NTPCR: variants seen among roughly 807,000 people sequenced by gnomAD.
NTPCR encodes the protein cancer-related nucleoside-triphosphatase.
In NTPCR, 15 loss-of-function variants were observed where a neutral mutation model predicts 19.5. The ratio of observed to expected loss-of-function variants is 0.77; its 90% CI spans 0.51 to 1.18. The LOEUF (loss-of-function observed/expected upper bound fraction) is 1.18, where lower values mean the gene tolerates loss of function less well. Ranked by LOEUF, NTPCR falls within the 50% of genes most tolerant of loss-of-function variation. The probability of loss-of-function intolerance (pLI) is 0.00; values close to 1 mark genes in which losing one functional copy is unlikely to be tolerated. For synonymous variants in NTPCR, 90 were observed against 95.8 expected (o/e 0.94, Z 0.36); for missense variants, 206 against 240.4 (o/e 0.86, Z 0.95).
At position 232,950,614 on chromosome 1, in the gene NTPCR, C is replaced by A; in HGVS notation, c.-97C>A. 3 of 965,094 alleles carry A rather than the reference C, an allele frequency of 3.1e-6. No homozygotes were observed. The highest frequency in any genetic ancestry group is 4.9e-6 in the Non-Finnish European group (3 of 609,110). The allele number at this position is 965,094 out of a possible 1,614,324, so 59.8% of individuals were successfully genotyped here. A position where few individuals can be genotyped will look rare whatever the true frequency, so the allele number is the denominator to read the frequency against. Reference sequence around the variant, plus strand: ...GGCGGGGCCTGCGACACGCGGTGGGCGGGTCCTGAGTCGCGACCCTGGTCC... The same window carrying A: ...GGCGGGGCCTGCGACACGCGGTGGGAGGGTCCTGAGTCGCGACCCTGGTCC... On this transcript the variant is annotated 5_prime_UTR_variant, in exon 1 of 5. Coordinates refer to ENST00000366628, the MANE Select transcript of NTPCR (RefSeq NM_032324.3).
At chr1:232,953,693 C>T (rs1186072112) in intron 1 of NTPCR, among the ~76,000 whole-genome samples, 1 of 151,730 alleles carries the variant, frequency 6.6e-6, no homozygotes, top group Non-Finnish European at 1.5e-5. Context: ...AATCTTTGTT[C>T]TGTATTCTTC....
chr1:232,968,782 A>T lies in NTPCR; in HGVS notation c.295-1127A>T, dbSNP rs142181568. On this transcript the variant is annotated intron_variant, in intron 3 of 4. Coordinates refer to ENST00000366628, the MANE Select transcript of NTPCR (RefSeq NM_032324.3). ...TGTAGTGAAGAATACTTTGTAAATCAGCTTTACATACAGTTTTCAAAATAA... is the reference window on the plus strand; with the variant it reads ...TGTAGTGAAGAATACTTTGTAAATCTGCTTTACATACAGTTTTCAAAATAA... 1.2e-4 allele frequency: 18 copies of T among 152,370 alleles called. No homozygotes were observed. In the East Asian group the frequency reaches 3.5e-3, roughly 29 times the overall value. The allele number at this position is 152,370 out of a possible 1,614,324, so 9.4% of individuals were successfully genotyped here.
intron 3 of NTPCR, among the ~76,000 whole-genome samples, chr1:232,960,172 C>G (rs965479242): frequency 7.2e-6 from 1 of 138,408 alleles, no homozygotes; most frequent in Admixed American, 7.7e-5. Flanking sequence ...TAAGATGGCA[C>G]CATTGCATTC....
intron 1 of NTPCR, among the ~76,000 whole-genome samples, chr1:232,951,507 T>C (rs1668365317): frequency 6.6e-6 from 1 of 152,096 alleles, no homozygotes; most frequent in Admixed American, 6.5e-5. Flanking sequence ...TATCAAGCAT[T>C]ACTAAAAAGG....
chr1:232,964,234 C>G (rs1300181153), intron 3 of NTPCR: 1 of 152,132 alleles, frequency 6.6e-6, no homozygotes, highest in East Asian at 1.9e-4. Flanking sequence ...AAAGAACGTT[C>G]ATCTTTTGGA....
Position 232,983,219 on chromosome 1 carries a change from T to TCTAA in NTPCR, c.*4992_*4995dup, listed in dbSNP as rs1669327978. The TCTAA allele has an allele frequency of 6.6e-6, 1 of 152,214 alleles. No individual in the cohort carries two copies. The highest frequency in any genetic ancestry group is 6.5e-5 in the Admixed American group (1 of 15,280). 9.4% of individuals were successfully genotyped at this position (152,214 alleles called of 1,614,324 possible). On this transcript the variant is annotated 3_prime_UTR_variant, in exon 5 of 5. Transcript: ENST00000366628. Reference sequence around the variant, plus strand: ...GACTGTTTAAAATTGAGTATTTCCTTCTAACTATTGTCTTTTGAAAAGGGA... The same window carrying TCTAA: ...GACTGTTTAAAATTGAGTATTTCCTTCTAACTAACTATTGTCTTTTGAAAAGGGA...
rs141873925 is a variant in NTPCR, at chr1:232,975,556, G to A, written c.505-2607G>A. Among the ~76,000 whole-genome samples the A allele has an allele frequency of 6.4e-4, 97 of 152,292 alleles. 1 individual carries two copies. In the East Asian group the frequency reaches 0.012, roughly 19 times the overall value. ...CACATGCATTTCCTTGAAACTGTGG[G>A]AAGGGCCCCCAACATTCCTAATAAG... On this transcript the variant is annotated intron_variant, in intron 4 of 4. Coordinates refer to ENST00000366628, the MANE Select transcript of NTPCR (RefSeq NM_032324.3).
At chr1:232,954,176 G>A (rs1303229337) in intron 1 of NTPCR, among the ~76,000 whole-genome samples, 1 of 152,202 alleles carries the variant, frequency 6.6e-6, no homozygotes, top group African/African-American at 2.4e-5. Flanking sequence ...AGTTGTTACT[G>A]ATGGCCAGGG....
At chr1:232,952,874 T>C (rs1164626018) in intron 1 of NTPCR, among the ~76,000 whole-genome samples, 2 of 152,180 alleles carry the variant, frequency 1.3e-5, no homozygotes, top group Non-Finnish European at 2.9e-5. Flanking sequence ...TCCAACTGTC[T>C]GTACCCATGA....
rs558063829 is a variant in NTPCR, at chr1:232,982,553, A to C, written c.*4322A>C. ...GCAATGAACAGAATAACTGTTGAAG[A>C]AGCACCTCATGAACCTCCCCAGAGA... On this transcript the variant is annotated 3_prime_UTR_variant, in exon 5 of 5. Coordinates refer to ENST00000366628, the MANE Select transcript of NTPCR (RefSeq NM_032324.3). 2.0e-5 allele frequency: 3 copies of C among 152,360 alleles called. No individual in the cohort carries two copies. Among genetic ancestry groups the C allele is most frequent in the South Asian group, 2.1e-4 (1 of 4,822 alleles). The allele number at this position is 152,360 out of a possible 1,614,324, so 9.4% of individuals were successfully genotyped here. A position where few individuals can be genotyped will look rare whatever the true frequency, so the allele number is the denominator to read the frequency against.
At position 232,950,757 on chromosome 1, in the gene NTPCR, G is replaced by A; in HGVS notation, c.34+13G>A. On this transcript the variant is annotated intron_variant, in intron 1 of 4. Transcript: ENST00000366628. Reference sequence around the variant, plus strand: ...ACGGGGCCCCCAGGTAACCCTGAGGGGATCCCCACCTCCAAGAGGTCGAGG... The same window carrying A: ...ACGGGGCCCCCAGGTAACCCTGAGGAGATCCCCACCTCCAAGAGGTCGAGG... 6.3e-7 allele frequency: 1 copy of A among 1,587,106 alleles called. No homozygotes were observed. Among genetic ancestry groups the A allele is most frequent in the Non-Finnish European group, 8.6e-7 (1 of 1,164,208 alleles).
chr1:232,964,065 A>G (rs1571959765), intron 3 of NTPCR: 1 of 152,292 alleles, frequency 6.6e-6, no homozygotes, highest in East Asian at 1.9e-4. Context: ...TTAGTGTTCT[A>G]GTTTCATCAG....
At chr1:232,958,619 C>A (rs924126278) in intron 3 of NTPCR, among the ~76,000 whole-genome samples, 1 of 152,220 alleles carries the variant, frequency 6.6e-6, no homozygotes, top group Non-Finnish European at 1.5e-5. Context: ...CCTCCTCCCA[C>A]CTCCTTCTTC....
In NTPCR at chr1:232,980,656, TCA is replaced by T. The variant is rs2102765208; in HGVS notation, c.*2428_*2429del. 1.3e-5 allele frequency: 2 copies of T among 152,328 alleles called. No individual in the cohort carries two copies. The highest frequency in any genetic ancestry group is 4.1e-4 in the South Asian group (2 of 4,828). 9.4% of individuals were successfully genotyped at this position (152,328 alleles called of 1,614,324 possible). A position where few individuals can be genotyped will look rare whatever the true frequency, so the allele number is the denominator to read the frequency against. On this transcript the variant is annotated 3_prime_UTR_variant, in exon 5 of 5. Transcript: ENST00000366628. ...ACATTTAATGAAGGATAAGATGAAT[TCA>T]CAGATAACTAGAACTCAGGGCCAAA...
At chr1:232,977,793 G>C (rs1311689569) in intron 4 of NTPCR, among the ~76,000 whole-genome samples, 2 of 152,032 alleles carry the variant, frequency 1.3e-5, no homozygotes, top group East Asian at 3.9e-4. Flanking sequence ...TCTCCTCCTC[G>C]CTTCACTCCA....
chr1:232,959,763 TG>T (rs1418933227), intron 3 of NTPCR, among the ~76,000 whole-genome samples: 1 of 152,036 alleles, frequency 6.6e-6, no homozygotes, highest in Non-Finnish European at 1.5e-5. Flanking sequence ...AAATATCCAT[TG>T]TGTGTAAGAA....
At chr1:232,977,100 C>T (rs1669145284) in intron 4 of NTPCR, 1 of 152,486 alleles carries the variant, frequency 6.6e-6, no homozygotes, top group Non-Finnish European at 1.5e-5. Context: ...CCACCCTGAA[C>T]CTCAGAAGGC....
chr1:232,956,869 T>A (rs1240383616), intron 3 of NTPCR, among the ~76,000 whole-genome samples: 1 of 152,130 alleles, frequency 6.6e-6, no homozygotes, highest in Non-Finnish European at 1.5e-5. Flanking sequence ...TTACCTTTTT[T>A]AAAAAAGAAA....
Position 232,978,195 on chromosome 1 carries a change from A to C in NTPCR, c.537A>C (p.Pro179=), listed in dbSNP as rs1445566759. 6.2e-6 allele frequency: 10 copies of C among 1,614,064 alleles called. No individual in the cohort carries two copies. The highest frequency in any genetic ancestry group is 8.5e-6 in the Non-Finnish European group (10 of 1,180,016). The part of the protein sequence containing the change: ...VTKENRNHLL[P]DIVTCVQSSR... Reference sequence around the variant, plus strand: ...AGGAAAACAGAAACCACCTTCTGCCAGATATCGTGACGTGCGTGCAGAGCA... The same window carrying C: ...AGGAAAACAGAAACCACCTTCTGCCCGATATCGTGACGTGCGTGCAGAGCA... The change falls in exon 5 of 5, where the codon CCA becomes CCC. Residue 179 remains proline (P), a synonymous_variant. Transcript: ENST00000366628.
Sources: allele counts gnomAD v4.1 joint callset (sites outside exome capture counted in the v4.1 genomes callset), GRCh38; gene constraint gnomAD v4.1.1; transcripts MANE v1.5; gene names NCBI Gene and HGNC (gene_info 2026-07-23, HGNC 2026-07-21).